STX2: variants seen among roughly 807,000 people sequenced by gnomAD.
STX2 encodes the protein syntaxin 2.
STX2 carries 27 observed loss-of-function variants against 40.6 expected under a neutral mutation model. The observed-to-expected ratio is 0.66, with a 90% CI of 0.49 to 0.92. The LOEUF (loss-of-function observed/expected upper bound fraction) is 0.92, where lower values mean the gene tolerates loss of function less well. Among genes scored for constraint, STX2 ranks in the 40% least tolerant of loss-of-function variants. The probability of loss-of-function intolerance (pLI) is 0.00; values close to 1 mark genes in which losing one functional copy is unlikely to be tolerated. For synonymous variants in STX2, 123 were observed against 119.1 expected (o/e 1.03, Z -0.22); for missense variants, 328 against 366.1 (o/e 0.90, Z 0.85).
intron 1 of STX2, 78 bp downstream of exon 1, chr12:130,838,992 A>G: frequency 3.6e-6 from 1 of 277,790 alleles, no homozygotes; most frequent in Non-Finnish European, 4.9e-6. Context: ...AGCCCCGCCC[A>G]AGACGCCCCG....
chr12:130,810,208 G>C (rs1951596119), intron 4 of STX2, among the ~76,000 whole-genome samples: 1 of 152,172 alleles, frequency 6.6e-6, no homozygotes, highest in African/African-American at 2.4e-5. Context: ...GAATAATTAT[G>C]TGTCAGTGAG....
At chr12:130,815,878 T>C (rs1017436940) in intron 3 of STX2, among the ~76,000 whole-genome samples, 4 of 152,228 alleles carry the variant, frequency 2.6e-5, no homozygotes, top group African/African-American at 7.2e-5. Context: ...GGATATTATA[T>C]GTTTTTTTAA....
intron 1 of STX2, among the ~76,000 whole-genome samples, chr12:130,833,802 G>C (rs889863023): frequency 2.0e-5 from 3 of 152,200 alleles, no homozygotes; most frequent in Admixed American, 1.3e-4. Flanking sequence ...ACAGATTCCA[G>C]TGGCATCTAC....
intron 2 of STX2, among the ~76,000 whole-genome samples, chr12:130,826,334 C>T (rs1952303553): frequency 1.3e-5 from 2 of 152,214 alleles, no homozygotes; most frequent in Admixed American, 1.3e-4. Flanking sequence ...TTCTGAGACA[C>T]TGCCAGTCTT....
chr12:130,800,487 CCA>C (rs1390070287), intron 8 of STX2, among the ~76,000 whole-genome samples: 3 of 152,156 alleles, frequency 2.0e-5, no homozygotes, highest in Admixed American at 6.5e-5. Context: ...AAGGGCCTTT[CCA>C]CACCTGCTTT....
chr12:130,798,535 T>C lies in STX2; in HGVS notation c.776A>G (p.Lys259Arg). 6.2e-7 allele frequency: 1 copy of C among 1,600,228 alleles called. No individual in the cohort carries two copies. The highest frequency in any genetic ancestry group is 8.5e-7 in the Non-Finnish European group (1 of 1,176,214). ...ETKKAIKYQS[K>R]ARRKKWIIIA... ...CGAAGCCAAACTCACCCTTCTTGCC[T>C]TGCTCTGATATTTGATAGCTTTTTT... Residue 259 changes from lysine (K) to arginine (R), a missense_variant, in exon 9 of 11, where the codon AAG becomes AGG. Transcript: ENST00000392373.
intron 1 of STX2, among the ~76,000 whole-genome samples, chr12:130,834,033 G>A (rs531601500): frequency 6.6e-6 from 1 of 152,292 alleles, no homozygotes; most frequent in South Asian, 2.1e-4. Flanking sequence ...CCATCTGTGG[G>A]AACATGCGAG....
chr12:130,803,907 G>A (rs1168142787), intron 6 of STX2, among the ~76,000 whole-genome samples: 1 of 152,160 alleles, frequency 6.6e-6, no homozygotes, highest in Non-Finnish European at 1.5e-5. Flanking sequence ...CCTAAACTGA[G>A]TCATGGCTAT....
intron 1 of STX2, among the ~76,000 whole-genome samples, chr12:130,827,729 C>T (rs546174398): frequency 1.3e-5 from 2 of 152,358 alleles, no homozygotes; most frequent in South Asian, 2.1e-4. Context: ...GCCTGGGCAA[C>T]ATGGTGAAAA....
At chr12:130,797,623 T>G (rs1951072066) in intron 9 of STX2, among the ~76,000 whole-genome samples, 1 of 152,192 alleles carries the variant, frequency 6.6e-6, no homozygotes, top group African/African-American at 2.4e-5. Context: ...AAAATCAGCA[T>G]CTCTGTGTAT....
chr12:130,838,527 T>A (rs1443347046), intron 1 of STX2, among the ~76,000 whole-genome samples: 2 of 152,118 alleles, frequency 1.3e-5, no homozygotes, highest in Non-Finnish European at 2.9e-5. Context: ...CCCAGCACTC[T>A]AAGGTGCCCA....
intron 1 of STX2, among the ~76,000 whole-genome samples, chr12:130,836,775 G>A (rs780742142): frequency 1.4e-4 from 21 of 152,254 alleles, no homozygotes; most frequent in Admixed American, 2.0e-4. Context: ...AGTTTTGAGA[G>A]ATTTAAAAAT....
rs907467570 is a variant in STX2 at position 130,789,711 on chromosome 12, T to G, written c.*2312A>C. 1 of 152,680 alleles carries G rather than the reference T, an allele frequency of 6.5e-6. No individual in the cohort carries two copies. Among genetic ancestry groups the G allele is most frequent in the Admixed American group, 6.5e-5 (1 of 15,288 alleles). The allele number at this position is 152,680 out of a possible 1,614,324, so 9.5% of individuals were successfully genotyped here. ...TACTTTTATGCTTCTCTGGAAATTT[T>G]TAATGTAAACATGAAATATTTGAAG... On this transcript the variant is annotated 3_prime_UTR_variant, in exon 11 of 11. Transcript: ENST00000392373.
chr12:130,794,453 T>TG (rs1462360296), intron 10 of STX2, among the ~76,000 whole-genome samples: 1 of 152,198 alleles, frequency 6.6e-6, no homozygotes. Flanking sequence ...GGAAAACTTC[T>TG]CATCTGGTAA....
intron 1 of STX2, among the ~76,000 whole-genome samples, chr12:130,837,774 C>T (rs1308939183): frequency 6.6e-6 from 1 of 152,144 alleles, no homozygotes; most frequent in Non-Finnish European, 1.5e-5. Context: ...AAAGATAATC[C>T]ATCGGGCAAG....
chr12:130,807,278 T>C (rs1248943261), intron 5 of STX2, among the ~76,000 whole-genome samples, 188 bp from the exon 6 acceptor site: 1 of 151,770 alleles, frequency 6.6e-6, no homozygotes, highest in Non-Finnish European at 1.5e-5. Context: ...TTACCTAATT[T>C]TTACAAGACC....
intron 10 of STX2, among the ~76,000 whole-genome samples, chr12:130,793,011 C>A (rs1304267674): frequency 6.6e-6 from 1 of 152,214 alleles, no homozygotes; most frequent in East Asian, 1.9e-4. Flanking sequence ...CGCTGTAGGA[C>A]TTTGAGTTCT....
At position 130,791,042 on chromosome 12, in the gene STX2, A is replaced by G. The variant is rs1403662912; in HGVS notation, c.*981T>C. ...ACTCAAAAGGCCACATTCAGTATAT[A>G]AAAATGGGGTACATTAAGATGCTAA... On this transcript the variant is annotated 3_prime_UTR_variant, in exon 11 of 11. Coordinates refer to ENST00000392373, the MANE Select transcript of STX2 (RefSeq NM_194356.4). 6.6e-6 allele frequency: 1 copy of G among 152,454 alleles called. No individual in the cohort carries two copies. The highest frequency in any genetic ancestry group is 1.5e-5 in the Non-Finnish European group (1 of 68,044). The allele number at this position is 152,454 out of a possible 1,614,324, so 9.4% of individuals were successfully genotyped here.
At position 130,797,976 on chromosome 12, in the gene STX2, C is replaced by T. The variant is rs567569303; in HGVS notation, c.786+549G>A. ...TAGCCAACAATTTGGTGCCAGGCAC[C>T]GTGCCTCACGCCTGTAATCCCAGCA... is the stretch of plus-strand genomic sequence containing the variant. On this transcript the variant is annotated intron_variant, in intron 9 of 10. Coordinates refer to ENST00000392373, the MANE Select transcript of STX2 (RefSeq NM_194356.4). Among the ~76,000 whole-genome samples the T allele has an allele frequency of 3.9e-5, 6 of 152,310 alleles. No homozygotes were observed. In the East Asian group the frequency reaches 5.8e-4, roughly 15 times the overall value.
Sources: gnomAD v4.1 joint callset for allele counts (sites outside exome capture counted in the v4.1 genomes callset) on GRCh38, gnomAD v4.1.1 for gene constraint, MANE v1.5 for transcripts, NCBI Gene and HGNC (gene_info 2026-07-23, HGNC 2026-07-21) for gene names.